The following SV2C variants were observed in gnomAD, a reference collection of about 807,000 sequenced individuals.
The protein encoded by SV2C is solute carrier family 22 member B3.
In SV2C, 49 loss-of-function variants were observed where a neutral mutation model predicts 79.7. The observed-to-expected ratio is 0.61, with a 90% CI of 0.49 to 0.78. The LOEUF is 0.78. Among genes scored for constraint, SV2C ranks in the 30% least tolerant of loss-of-function variants. The pLI, the probability that SV2C is intolerant of heterozygous loss-of-function variation, is 0.00. For synonymous variants in SV2C, 334 were observed against 333.2 expected, an observed-to-expected ratio of 1.00 and a Z score of -0.03; for missense variants, 833 against 912.9, an observed-to-expected ratio of 0.91 and a Z score of 1.13.
intron 2 of SV2C, among the ~76,000 whole-genome samples, chr5:76,169,591 C>T (rs1443656367): frequency 6.6e-6 from 1 of 152,182 alleles, no homozygotes; most frequent in Non-Finnish European, 1.5e-5. Flanking sequence ...CTGCATCAAA[C>T]CTTCCCCAAT....
chr5:76,001,526 C>T, the SV2C span, among the ~76,000 whole-genome samples: 3 of 151,568 alleles, frequency 2.0e-5, no homozygotes, highest in African/African-American at 4.9e-5. Context: ...GGCGTGAACC[C>T]GGGAGGTGGA....
At chr5:75,994,154 T>C in the SV2C span, among the ~76,000 whole-genome samples, 1 of 152,114 alleles carries the variant, frequency 6.6e-6, no homozygotes, top group African/African-American at 2.4e-5. Flanking sequence ...TAAAAGAGTT[T>C]GCAATGGTAC....
intron 2 of SV2C, among the ~76,000 whole-genome samples, chr5:76,167,452 A>G (rs1321144203): frequency 6.6e-6 from 1 of 152,160 alleles, no homozygotes; most frequent in African/African-American, 2.4e-5. Context: ...TTCTGCATTC[A>G]TGTTATTTTT....
chr5:76,104,954 A>G (rs183112622), intron 1 of SV2C, among the ~76,000 whole-genome samples: 2 of 152,338 alleles, frequency 1.3e-5, no homozygotes, highest in Non-Finnish European at 1.5e-5. Flanking sequence ...CCACAGTTGC[A>G]GAAGCTGTCT....
chr5:75,968,750 T>C, the SV2C span, among the ~76,000 whole-genome samples: 4,122 of 152,312 alleles, frequency 0.027, 157 homozygotes, highest in African/African-American at 0.087. Flanking sequence ...GAAAACACTC[T>C]GCAGGATATT....
chr5:76,283,273 T>C (rs1017737868), intron 4 of SV2C, among the ~76,000 whole-genome samples: 1 of 151,930 alleles, frequency 6.6e-6, no homozygotes, highest in Non-Finnish European at 1.5e-5. Context: ...GCTGAGATTG[T>C]ACCACTGCAC....
chr5:76,317,443 A>G (rs1039687656), intron 12 of SV2C, among the ~76,000 whole-genome samples: 1 of 142,644 alleles, frequency 7.0e-6, no homozygotes. Context: ...ACCCCCCCCA[A>G]CACACACACA....
At chr5:76,047,753 CT>C in the SV2C span, among the ~76,000 whole-genome samples, 4 of 147,704 alleles carry the variant, frequency 2.7e-5, no homozygotes, top group Non-Finnish European at 4.5e-5. Flanking sequence ...ATACCGTATT[CT>C]TTTTTTCTTT....
rs1282993403 is a variant in SV2C, at chr5:76,300,939, A to T, written c.1840+7A>T. On this transcript the variant is annotated splice_region_variant and intron_variant, in intron 11 of 12. Coordinates refer to ENST00000502798, the MANE Select transcript of SV2C (RefSeq NM_014979.4). Reference sequence around the variant, plus strand: ...GGGCGCTTAACAATGCTAGGTATGTACTCAGTTTCATGTCAAATAAAAGAG... The same window carrying T: ...GGGCGCTTAACAATGCTAGGTATGTTCTCAGTTTCATGTCAAATAAAAGAG... 4 of 1,613,814 alleles carry T rather than the reference A, an allele frequency of 2.5e-6. No individual in the cohort carries two copies. Among genetic ancestry groups the T allele is most frequent in the Non-Finnish European group, 3.4e-6 (4 of 1,179,826 alleles).
At chr5:76,167,197 C>T (rs1176000173) in intron 2 of SV2C, among the ~76,000 whole-genome samples, 1 of 152,236 alleles carries the variant, frequency 6.6e-6, no homozygotes, top group Non-Finnish European at 1.5e-5. Flanking sequence ...TGTGAATCTA[C>T]ACCTTCAGAC....
At chr5:75,912,707 G>A in the SV2C span, among the ~76,000 whole-genome samples, 1 of 152,078 alleles carries the variant, frequency 6.6e-6, no homozygotes. Flanking sequence ...ACTCTGGAAA[G>A]CCCTATTATG....
At chr5:76,320,662 G>A (rs1445919424) in intron 12 of SV2C, among the ~76,000 whole-genome samples, 1 of 152,138 alleles carries the variant, frequency 6.6e-6, no homozygotes, top group Non-Finnish European at 1.5e-5. Flanking sequence ...TGGGGACGGG[G>A]TCATTCTAGT....
At chr5:75,882,988 T>G in the SV2C span, among the ~76,000 whole-genome samples, 3 of 147,800 alleles carry the variant, frequency 2.0e-5, no homozygotes, top group Non-Finnish European at 4.5e-5. Context: ...TCAAACAAAT[T>G]TACAAGAAAA....
chr5:76,041,782 C>T, the SV2C span, among the ~76,000 whole-genome samples: 3 of 152,152 alleles, frequency 2.0e-5, no homozygotes, highest in Non-Finnish European at 4.4e-5. Flanking sequence ...CATTGTGCAT[C>T]AGGGTTGATT....
the SV2C span, among the ~76,000 whole-genome samples, chr5:75,933,457 A>C: frequency 6.6e-6 from 1 of 152,186 alleles, no homozygotes; most frequent in Non-Finnish European, 1.5e-5. Flanking sequence ...TACTGACTGA[A>C]TGAATGAAAG....
chr5:76,185,260 T>C lies in SV2C; in HGVS notation c.581-9659T>C, dbSNP rs566365964. ...CAGTTGCTGCTTTCATGGGCTGGCA[T>C]TGAGTGTCTGCAGCTTTTCCAGGCA... On this transcript the variant is annotated intron_variant, in intron 2 of 12. Transcript: ENST00000502798. Among the ~76,000 whole-genome samples the C allele has an allele frequency of 6.1e-4, 93 of 152,362 alleles. 1 individual carries two copies. The highest frequency in any genetic ancestry group is 1.0e-3 in the Non-Finnish European group (70 of 68,034).
intron 2 of SV2C, among the ~76,000 whole-genome samples, chr5:76,188,591 AT>A (rs1207355303): frequency 5.3e-5 from 8 of 152,066 alleles, no homozygotes; most frequent in African/African-American, 1.4e-4. Flanking sequence ...TAATAAAGTT[AT>A]TTTTCCCCCA....
At chr5:75,909,226 C>T in the SV2C span, among the ~76,000 whole-genome samples, 1 of 152,198 alleles carries the variant, frequency 6.6e-6, no homozygotes, top group Non-Finnish European at 1.5e-5. Context: ...CAAAAGAAAA[C>T]ACCTGTGCAT....
At chr5:76,038,348 G>A in the SV2C span, among the ~76,000 whole-genome samples, 4 of 152,212 alleles carry the variant, frequency 2.6e-5, no homozygotes, top group Non-Finnish European at 5.9e-5. Flanking sequence ...TTAGGGGAAA[G>A]TGCTCTAAAA....
Sources: allele counts gnomAD v4.1 joint callset (sites outside exome capture counted in the v4.1 genomes callset), GRCh38; gene constraint gnomAD v4.1.1; transcripts MANE v1.5; gene names NCBI Gene and HGNC (gene_info 2026-07-23, HGNC 2026-07-21).